Variants in ESR1 observed in about 807,000 individuals in gnomAD.
The protein encoded by ESR1 is estrogen receptor 1.
A neutral mutation model predicts 52.7 loss-of-function variants in ESR1; 12 were observed. The ratio of observed to expected loss-of-function variants is 0.23; its 90% CI spans 0.15 to 0.37. The LOEUF is 0.37. Ranked by LOEUF, ESR1 falls within the 10% of genes least tolerant of loss-of-function variation. ESR1 has a pLI of 1.00. For synonymous variants in ESR1, 305 were observed against 316.8 expected (o/e 0.96, Z 0.39); for missense variants, 584 against 779.7 (o/e 0.75, Z 2.99).
At chr6:151,698,044 C>A (rs1779493588) in intron 1 of ESR1, among the ~76,000 whole-genome samples, 1 of 150,822 alleles carries the variant, frequency 6.6e-6, no homozygotes, top group Non-Finnish European at 1.5e-5. Flanking sequence ...TTGCAGTGAG[C>A]CAATATTGTA....
In ESR1 at chr6:152,094,195, C is replaced by A. The variant is rs990934542; in HGVS notation, c.1370-190C>A. On this transcript the variant is annotated intron_variant, in intron 6 of 7. Coordinates refer to ENST00000206249, the MANE Select transcript of ESR1 (RefSeq NM_000125.4). This position sits in a 1 kb window ranked among gnomAD's most constrained non-coding sequence, Gnocchi z 4.6. ...GAGCCCTCCTTGGTTTGCTGGTGCTCTGAGACTTGCAAATGCATTAGGAAT... is the reference window on the plus strand; with the variant it reads ...GAGCCCTCCTTGGTTTGCTGGTGCTATGAGACTTGCAAATGCATTAGGAAT... Among the ~76,000 whole-genome samples, 1 of 152,178 alleles carries A rather than the reference C, an allele frequency of 6.6e-6. No individual in the cohort carries two copies. The highest frequency in any genetic ancestry group is 2.4e-5 in the African/African-American group (1 of 41,440).
intron 2 of ESR1, among the ~76,000 whole-genome samples, chr6:151,756,156 C>T (rs1382920435): frequency 6.6e-6 from 1 of 152,166 alleles, no homozygotes. Context: ...GAGTCCTTCC[C>T]TGGCCCCCAT....
chr6:152,024,032 G>C (rs570173012), intron 5 of ESR1, among the ~76,000 whole-genome samples: 1 of 152,156 alleles, frequency 6.6e-6, no homozygotes, highest in African/African-American at 2.4e-5. Flanking sequence ...TACATGTTAG[G>C]GGTCAATTTG....
intron 6 of ESR1, among the ~76,000 whole-genome samples, chr6:152,091,603 G>A (rs2050184656): frequency 6.6e-6 from 1 of 152,176 alleles, no homozygotes; most frequent in Non-Finnish European, 1.5e-5. Flanking sequence ...CGCACCTTAA[G>A]GAGGATGGAA....
intron 6 of ESR1, among the ~76,000 whole-genome samples, chr6:152,113,852 G>A (rs2051176736): frequency 6.6e-6 from 1 of 152,100 alleles, no homozygotes; most frequent in African/African-American, 2.4e-5. Context: ...TTTTACAGAG[G>A]AAGAAACTGA....
At position 151,980,480 on chromosome 6, in the gene ESR1, AT is replaced by A. The variant is rs542990603; in HGVS notation, c.1097-31170del. 3.8e-3 allele frequency among the ~76,000 whole-genome samples: 578 copies of A among 152,170 alleles called. 2 individuals are homozygous for A. The highest frequency in any genetic ancestry group is 0.01 in the Middle Eastern group (3 of 294). ...ATATGTTTTTTCCTAAATAGGAGGCATTTTTTGTTTGTTTGTTTGAACAAAA... is the reference window on the plus strand; with the variant it reads ...ATATGTTTTTTCCTAAATAGGAGGCATTTTTGTTTGTTTGTTTGAACAAAA... On this transcript the variant is annotated intron_variant, in intron 4 of 7. Coordinates refer to ENST00000206249, the MANE Select transcript of ESR1 (RefSeq NM_000125.4).
At chr6:151,948,842 G>T (rs2036003868) in intron 4 of ESR1, among the ~76,000 whole-genome samples, 1 of 152,154 alleles carries the variant, frequency 6.6e-6, no homozygotes, top group African/African-American at 2.4e-5. Context: ...GGCCTCTTCT[G>T]TGTCTGTATT....
At chr6:151,732,678 A>G (rs1336577396) in intron 2 of ESR1, among the ~76,000 whole-genome samples, 1 of 152,084 alleles carries the variant, frequency 6.6e-6, no homozygotes, top group Non-Finnish European at 1.5e-5. Flanking sequence ...ACCCAGAATT[A>G]ACTTCTATGA....
chr6:151,808,421 AGG>A, intron 1 of ESR1, 57 bp downstream of exon 1: 1 of 224,702 alleles, frequency 4.5e-6, no homozygotes, highest in Non-Finnish European at 8.2e-6. Flanking sequence ...GGAGGGAGGG[AGG>A]GAGGGAGGGA....
At chr6:151,982,470 G>A (rs2040082739) in intron 4 of ESR1, among the ~76,000 whole-genome samples, 1 of 151,626 alleles carries the variant, frequency 6.6e-6, no homozygotes, top group Non-Finnish European at 1.5e-5. Context: ...AAAGTAAAAA[G>A]CAACAGGCAA....
intron 2 of ESR1, among the ~76,000 whole-genome samples, chr6:151,743,171 T>C (rs1345728824): frequency 1.3e-5 from 2 of 151,812 alleles, no homozygotes; most frequent in Non-Finnish European, 2.9e-5. Flanking sequence ...ATACAGGAGA[T>C]GAGAGGAGGG....
At chr6:152,119,326 G>A (rs536540228) in intron 6 of ESR1, among the ~76,000 whole-genome samples, 2 of 152,086 alleles carry the variant, frequency 1.3e-5, no homozygotes, top group African/African-American at 2.4e-5. Flanking sequence ...ACAAAAACAA[G>A]AGAAGCTACT....
chr6:151,869,055 T>TAA (rs1790481944), intron 2 of ESR1, among the ~76,000 whole-genome samples: 3 of 151,382 alleles, frequency 2.0e-5, no homozygotes, highest in African/African-American at 7.3e-5. Flanking sequence ...TGGACTTATT[T>TAA]ATGAGTCTGG....
chr6:151,761,442 A>G (rs2128096834), intron 2 of ESR1, among the ~76,000 whole-genome samples: 1 of 152,290 alleles, frequency 6.6e-6, no homozygotes, highest in South Asian at 2.1e-4. Flanking sequence ...TCTCTTTCTT[A>G]GAATAAGATT....
At chr6:151,917,267 A>G (rs769490564) in intron 3 of ESR1, among the ~76,000 whole-genome samples, 3 of 152,186 alleles carry the variant, frequency 2.0e-5, no homozygotes, top group Non-Finnish European at 4.4e-5. Flanking sequence ...AGAACACAGA[A>G]CTTTACAGGC....
intron 2 of ESR1, among the ~76,000 whole-genome samples, chr6:151,725,038 TTG>T (rs1464131753): frequency 6.6e-6 from 1 of 152,218 alleles, no homozygotes; most frequent in Non-Finnish European, 1.5e-5. Flanking sequence ...GTATTTTCCT[TTG>T]TATTTCAAAG....
intron 6 of ESR1, among the ~76,000 whole-genome samples, chr6:152,092,367 T>A (rs2050254717): frequency 6.6e-6 from 1 of 152,244 alleles, no homozygotes; most frequent in Non-Finnish European, 1.5e-5. Context: ...ATTGTTACGT[T>A]AGTTTTAAAC....
intron 5 of ESR1, among the ~76,000 whole-genome samples, chr6:152,049,101 C>T (rs747961345): frequency 6.6e-6 from 1 of 152,172 alleles, no homozygotes; most frequent in South Asian, 2.1e-4. Context: ...CCTCTAGGGA[C>T]TTACTTTAGC....
chr6:152,085,600 G>A (rs1274728170), intron 6 of ESR1, among the ~76,000 whole-genome samples: 2 of 152,072 alleles, frequency 1.3e-5, no homozygotes, highest in Non-Finnish European at 2.9e-5. Context: ...TGGCTGGGAC[G>A]TCAGCTGGAG....
Sources: allele counts gnomAD v4.1 joint callset (sites outside exome capture counted in the v4.1 genomes callset), GRCh38; gene constraint gnomAD v4.1.1; non-coding constraint Gnocchi (gnomAD v3.1); transcripts MANE v1.5; gene names NCBI Gene and HGNC (gene_info 2026-07-23, HGNC 2026-07-21).